The following DBX2 variants were observed in gnomAD, a reference collection of about 807,000 sequenced individuals.
DBX2 encodes developing brain homeobox 2.
In DBX2, 16 loss-of-function variants were observed where a neutral mutation model predicts 17.7. The ratio of observed to expected loss-of-function variants is 0.90; its 90% CI spans 0.61 to 1.37. The LOEUF is 1.37. Ranked by LOEUF, DBX2 falls within the 40% of genes most tolerant of loss-of-function variation. The pLI, the probability that DBX2 is intolerant of heterozygous loss-of-function variation, is 0.00. For synonymous variants in DBX2, 255 were observed against 183.8 expected (o/e 1.39, Z -3.13); for missense variants, 538 against 433.8 (o/e 1.24, Z -2.13).
Position 45,023,762 on chromosome 12 carries a change from A to C in DBX2, c.632T>G (p.Ile211Ser). 1 of 1,614,032 alleles carries C rather than the reference A, an allele frequency of 6.2e-7. No homozygotes were observed. Among genetic ancestry groups the C allele is most frequent in the Non-Finnish European group, 8.5e-7 (1 of 1,180,006 alleles). Reference sequence around the variant, plus strand: ...AAGTTTCTTTCGGTCTGTTTTGCTGATATATTTCTGTTTCTGAAACATTTT... The same window carrying C: ...AAGTTTCTTTCGGTCTGTTTTGCTGCTATATTTCTGTTTCTGAAACATTTT... ...LEKMFQKQKY[I>S]SKTDRKKLAI... is the part of the protein sequence containing the mutation. Residue 211 changes from isoleucine (I) to serine (S), a missense_variant, in exon 3 of 4, where the codon ATC becomes AGC. Coordinates refer to ENST00000332700, the MANE Select transcript of DBX2 (RefSeq NM_001004329.3).
rs117684775 is a variant in DBX2, at chr12:45,034,954, G to A, written c.499+1065C>T. On this transcript the variant is annotated intron_variant, in intron 2 of 3. Transcript: ENST00000332700. ...TGTGGATGAGTCGAGTGAAAGTGACGATTGGTCACGGGTCTGTCACCCATT... is the reference window on the plus strand; with the variant it reads ...TGTGGATGAGTCGAGTGAAAGTGACAATTGGTCACGGGTCTGTCACCCATT... 4.7e-3 allele frequency among the ~76,000 whole-genome samples: 713 copies of A among 152,304 alleles called. 1 individual carries two copies. The highest frequency in any genetic ancestry group is 8.7e-3 in the Non-Finnish European group (594 of 68,014).
chr12:45,038,781 A>G (rs917762384), intron 1 of DBX2, among the ~76,000 whole-genome samples: 6 of 152,046 alleles, frequency 3.9e-5, no homozygotes, highest in African/African-American at 1.4e-4. Context: ...TGTGGTTTAC[A>G]GATATCTGAT....
chr12:45,044,526 G>C (rs1294902893), intron 1 of DBX2, among the ~76,000 whole-genome samples: 1 of 152,058 alleles, frequency 6.6e-6, no homozygotes, highest in Non-Finnish European at 1.5e-5. Flanking sequence ...AATTAAGGTT[G>C]TTATGGCATG....
rs1026563996 is a variant in DBX2, at chr12:45,016,052, C to T, written c.*234G>A. The T allele has an allele frequency of 2.5e-6, 1 of 406,038 alleles. No individual in the cohort carries two copies. The highest frequency in any genetic ancestry group is 4.1e-5 in the Admixed American group (1 of 24,174). 25.2% of individuals were successfully genotyped at this position (406,038 alleles called of 1,614,324 possible). A position where few individuals can be genotyped will look rare whatever the true frequency, so the allele number is the denominator to read the frequency against. On this transcript the variant is annotated 3_prime_UTR_variant, in exon 4 of 4. Transcript: ENST00000332700. ...AGCAGGGACCGAGCCAGCTGTTGCT[C>T]TCCTTCTTTTCAGTTCTGTCATACT...
At chr12:45,042,981 TCGAGGAG>T (rs1375086304) in intron 1 of DBX2, among the ~76,000 whole-genome samples, 1 of 152,126 alleles carries the variant, frequency 6.6e-6, no homozygotes, top group Non-Finnish European at 1.5e-5. Flanking sequence ...TGATCTAAAC[TCGAGGAG>T]ATTCCTTGCT....
chr12:45,049,918 C>G (rs1186019797), intron 1 of DBX2, among the ~76,000 whole-genome samples: 1 of 152,140 alleles, frequency 6.6e-6, no homozygotes, highest in Non-Finnish European at 1.5e-5. Flanking sequence ...TTTTTCAGCT[C>G]AGCACAAATA....
At chr12:45,021,126 G>A (rs149343427) in intron 3 of DBX2, among the ~76,000 whole-genome samples, 10 of 152,126 alleles carry the variant, frequency 6.6e-5, no homozygotes, top group African/African-American at 2.2e-4. Context: ...TTTACAAATT[G>A]TAATTGTAAT....
At position 45,020,690 on chromosome 12, in the gene DBX2, T is replaced by TATATAC. The variant is rs766753844; in HGVS notation, c.687+3016_687+3017insGTATAT. Among the ~76,000 whole-genome samples the TATATAC allele has an allele frequency of 3.6e-3, 535 of 148,444 alleles. 4 individuals carry two copies. The highest frequency in any genetic ancestry group is 0.011 in the African/African-American group (465 of 40,540). On this transcript the variant is annotated intron_variant, in intron 3 of 3. Coordinates refer to ENST00000332700, the MANE Select transcript of DBX2 (RefSeq NM_001004329.3). ...GTATATATATGTATATATATATATA[T>TATATAC]ACACACACACACACACAATTCTCAG...
rs139087191 is a variant in DBX2 at position 45,040,818 on chromosome 12, T to G, written c.404-4704A>C. 5.2e-3 allele frequency among the ~76,000 whole-genome samples: 796 copies of G among 152,290 alleles called. 5 individuals are homozygous for G. Among genetic ancestry groups the G allele is most frequent in the African/African-American group, 0.018 (749 of 41,568 alleles). ...ATTGTTTTTGTCCTTTTTATTCTCC[T>G]TTAGTAATGGAGAAGAACATCAGGA... On this transcript the variant is annotated intron_variant, in intron 1 of 3. Coordinates refer to ENST00000332700, the MANE Select transcript of DBX2 (RefSeq NM_001004329.3).
At chr12:45,017,624 C>T (rs775084387) in intron 3 of DBX2, among the ~76,000 whole-genome samples, 2 of 152,204 alleles carry the variant, frequency 1.3e-5, no homozygotes, top group Non-Finnish European at 2.9e-5. Flanking sequence ...TAAATAACAA[C>T]TAATTGTAAT....
intron 1 of DBX2, among the ~76,000 whole-genome samples, chr12:45,045,145 T>C (rs558656343): frequency 4.6e-4 from 70 of 152,312 alleles, no homozygotes; most frequent in African/African-American, 1.7e-3. Context: ...CTTGCCTTTT[T>C]ATTCCTGACA....
At chr12:45,019,038 G>C (rs1946337686) in intron 3 of DBX2, among the ~76,000 whole-genome samples, 1 of 151,956 alleles carries the variant, frequency 6.6e-6, no homozygotes, top group Admixed American at 6.6e-5. Flanking sequence ...AGTTTTACAA[G>C]ATGAAAAAAT....
At chr12:45,035,581 G>C (rs887699902) in intron 2 of DBX2, among the ~76,000 whole-genome samples, 4 of 152,108 alleles carry the variant, frequency 2.6e-5, no homozygotes, top group East Asian at 1.9e-4. Context: ...CTCCTCTCAC[G>C]ATCTTGACAA....
At chr12:45,031,210 G>GTT in intron 2 of DBX2, among the ~76,000 whole-genome samples, 1 of 88,874 alleles carries the variant, frequency 1.1e-5, no homozygotes, top group African/African-American at 4.4e-5. Flanking sequence ...GTGTGTGTGT[G>GTT]TGTGTGTGTG....
chr12:45,017,462 C>T (rs1255544407), intron 3 of DBX2, among the ~76,000 whole-genome samples: 1 of 152,110 alleles, frequency 6.6e-6, no homozygotes, highest in East Asian at 1.9e-4. Flanking sequence ...ACTCCAGGGT[C>T]CAGGCTCTTA....
intron 3 of DBX2, among the ~76,000 whole-genome samples, chr12:45,017,056 G>A (rs1495035): frequency 0.36 from 55,197 of 152,010 alleles, 11,772 homozygotes; most frequent in South Asian, 0.65. Context: ...AAAGTGCTGA[G>A]ATTACAGGTG....
chr12:45,030,433 C>T (rs1223104194), intron 2 of DBX2, among the ~76,000 whole-genome samples: 1 of 152,222 alleles, frequency 6.6e-6, no homozygotes, highest in South Asian at 2.1e-4. Context: ...TGATACCACT[C>T]GGGGACACTT....
At chr12:45,027,419 G>A (rs1417140006) in intron 2 of DBX2, among the ~76,000 whole-genome samples, 1 of 152,080 alleles carries the variant, frequency 6.6e-6, no homozygotes, top group African/African-American at 2.4e-5. Context: ...CTGCATTCTG[G>A]CATGCTTAAT....
intron 1 of DBX2, among the ~76,000 whole-genome samples, chr12:45,036,645 T>G (rs1455537845): frequency 6.6e-6 from 1 of 152,250 alleles, no homozygotes; most frequent in African/African-American, 2.4e-5. Context: ...AGAAATGATT[T>G]AAATGTTATG....
Sources: gnomAD v4.1 joint callset for allele counts (sites outside exome capture counted in the v4.1 genomes callset) on GRCh38, gnomAD v4.1.1 for gene constraint, MANE v1.5 for transcripts, NCBI Gene and HGNC (gene_info 2026-07-23, HGNC 2026-07-21) for gene names.